The following ABI3BP variants were observed in gnomAD, a reference collection of about 807,000 sequenced individuals.
ABI3BP encodes ABI family member 3 binding protein.
ABI3BP carries 216 observed loss-of-function variants against 268.6 expected under a neutral mutation model. The ratio of observed to expected loss-of-function variants is 0.80; its 90% CI spans 0.72 to 0.90. The LOEUF (loss-of-function observed/expected upper bound fraction) is 0.90. Ranked by LOEUF, ABI3BP falls within the 40% of genes least tolerant of loss-of-function variation. ABI3BP has a pLI of 0.00. For synonymous variants in ABI3BP, 730 were observed against 730.0 expected (o/e 1.00, Z 0.00); for missense variants, 2,090 against 2,182.4 (o/e 0.96, Z 0.84).
chr3:100,849,913 A>G (rs2098819074), intron 17 of ABI3BP, 132 bp downstream of exon 17: 1 of 704,660 alleles, frequency 1.4e-6, no homozygotes, highest in Admixed American at 2.6e-5. Context: ...GAAGAATTTC[A>G]TGGTAGAGAC....
At chr3:100,952,456 A>G (rs1160821326) in intron 1 of ABI3BP, among the ~76,000 whole-genome samples, 1 of 152,168 alleles carries the variant, frequency 6.6e-6, no homozygotes, top group Non-Finnish European at 1.5e-5. Flanking sequence ...TGCCTTTCAT[A>G]TGTACTATAT....
At chr3:100,876,282 TTTGTCCTTAG>T (rs2099160440) in intron 7 of ABI3BP, among the ~76,000 whole-genome samples, 1 of 152,200 alleles carries the variant, frequency 6.6e-6, no homozygotes, top group South Asian at 2.1e-4. Context: ...TGATGGTTGC[TTTGTCCTTAG>T]TTGTCTGACC....
chr3:100,936,486 C>T (rs548382666), intron 1 of ABI3BP, among the ~76,000 whole-genome samples: 55 of 152,232 alleles, frequency 3.6e-4, no homozygotes, highest in Non-Finnish European at 6.6e-4. Flanking sequence ...TGATGCTGGC[C>T]TCATAAAATG....
intron 44 of ABI3BP, among the ~76,000 whole-genome samples, chr3:100,814,059 G>C (rs2097936726): frequency 1.3e-5 from 2 of 151,964 alleles, no homozygotes; most frequent in Admixed American, 1.3e-4. Flanking sequence ...AATTGTTCAG[G>C]GCATATTCAT....
chr3:100,940,891 T>C (rs2068856207), intron 1 of ABI3BP, among the ~76,000 whole-genome samples: 2 of 131,808 alleles, frequency 1.5e-5, no homozygotes, highest in African/African-American at 5.6e-5. Flanking sequence ...TGGACTTTTG[T>C]AAATTAATAG....
At chr3:100,849,881 A>T (rs994037153) in intron 17 of ABI3BP, among the ~76,000 whole-genome samples, 164 bp downstream of exon 17, 2 of 152,238 alleles carry the variant, frequency 1.3e-5, no homozygotes, top group Admixed American at 1.3e-4. Flanking sequence ...GATAATCATA[A>T]GGCTAAGTAG....
intron 1 of ABI3BP, among the ~76,000 whole-genome samples, chr3:100,985,187 T>C (rs1251636309): frequency 6.9e-6 from 1 of 144,720 alleles, no homozygotes; most frequent in Non-Finnish European, 1.5e-5. Flanking sequence ...TCTTGCTCTG[T>C]CGCCCAGGCT....
At chr3:100,933,716 G>GA (rs1397850679) in intron 1 of ABI3BP, among the ~76,000 whole-genome samples, 1 of 150,420 alleles carries the variant, frequency 6.6e-6, no homozygotes, top group Non-Finnish European at 1.5e-5. Flanking sequence ...GAAAAAACAT[G>GA]AAAAAAATAA....
At chr3:100,939,746 C>A (rs1368311531) in intron 1 of ABI3BP, among the ~76,000 whole-genome samples, 1 of 152,018 alleles carries the variant, frequency 6.6e-6, no homozygotes, top group East Asian at 1.9e-4. Context: ...TATCAGGAGA[C>A]AGGGTTTTGA....
At chr3:100,912,850 G>A (rs1458780871) in intron 2 of ABI3BP, among the ~76,000 whole-genome samples, 1 of 152,182 alleles carries the variant, frequency 6.6e-6, no homozygotes, top group Non-Finnish European at 1.5e-5. Context: ...CCTAAGTGTG[G>A]CCATGGAACA....
Position 100,889,874 on chromosome 3 carries a change from C to G in ABI3BP, c.462-3551G>C, listed in dbSNP as rs1000826830. Among the ~76,000 whole-genome samples the G allele has an allele frequency of 2.0e-5, 3 of 152,226 alleles. No homozygotes were observed. The East Asian group carries it at 5.8e-4, about 29-fold the overall frequency. On this transcript the variant is annotated intron_variant, in intron 4 of 67. Coordinates refer to ENST00000471714, the MANE Select transcript of ABI3BP (RefSeq NM_001375547.2). Reference sequence around the variant, plus strand: ...GACTCGGATTTTAGTCAGCTGCAAACTAGTAGCATGACCTTGGGAGGGGGG... The same window carrying G: ...GACTCGGATTTTAGTCAGCTGCAAAGTAGTAGCATGACCTTGGGAGGGGGG...
intron 2 of ABI3BP, among the ~76,000 whole-genome samples, chr3:100,914,926 G>A (rs2153578665): frequency 6.6e-6 from 1 of 152,222 alleles, no homozygotes; most frequent in African/African-American, 2.4e-5. Flanking sequence ...GTGAGAGTTG[G>A]GGAGGCAATG....
intron 6 of ABI3BP, among the ~76,000 whole-genome samples, chr3:100,878,509 G>A (rs2099187211): frequency 6.6e-6 from 1 of 152,318 alleles, no homozygotes; most frequent in African/African-American, 2.4e-5. Flanking sequence ...GATAACTAGA[G>A]GAATGACGCA....
chr3:100,975,871 G>A (rs563029187), intron 1 of ABI3BP, among the ~76,000 whole-genome samples: 1 of 152,172 alleles, frequency 6.6e-6, no homozygotes, highest in South Asian at 2.1e-4. Context: ...CTGGGAAGAG[G>A]CACTAATCAG....
intron 34 of ABI3BP, among the ~76,000 whole-genome samples, chr3:100,828,179 A>G (rs541669508): frequency 6.6e-6 from 1 of 152,342 alleles, no homozygotes; most frequent in South Asian, 2.1e-4. Context: ...TGGTTAAGCC[A>G]AAAACAAAAT....
At chr3:100,894,175 G>A (rs2046069803) in intron 4 of ABI3BP, among the ~76,000 whole-genome samples, 2 of 152,054 alleles carry the variant, frequency 1.3e-5, no homozygotes, top group Non-Finnish European at 2.9e-5. Flanking sequence ...GTATCTTCGG[G>A]CCTTCATAAA....
At chr3:100,881,968 G>A (rs2039511179) in intron 6 of ABI3BP, among the ~76,000 whole-genome samples, 1 of 152,154 alleles carries the variant, frequency 6.6e-6, no homozygotes, top group African/African-American at 2.4e-5. Context: ...AATATATAGT[G>A]TAACCAGAAG....
intron 1 of ABI3BP, among the ~76,000 whole-genome samples, chr3:100,984,397 C>T (rs2090914615): frequency 6.6e-6 from 1 of 152,090 alleles, no homozygotes; most frequent in South Asian, 2.1e-4. Flanking sequence ...AAATTAATTT[C>T]TAGTGTGACC....
intron 63 of ABI3BP, 81 bp downstream of exon 63, chr3:100,765,760 G>T: frequency 9.1e-7 from 1 of 1,096,640 alleles, no homozygotes; most frequent in African/African-American, 1.6e-5. Context: ...AGACAGAGAA[G>T]ATGATTATCA....
Sources: allele counts gnomAD v4.1 joint callset (sites outside exome capture counted in the v4.1 genomes callset), GRCh38; gene constraint gnomAD v4.1.1; transcripts MANE v1.5; gene names NCBI Gene and HGNC (gene_info 2026-07-23, HGNC 2026-07-21).